Variants in SLC24A3 observed in about 807,000 individuals in gnomAD.
SLC24A3 encodes the protein sodium/potassium/calcium exchanger 3.
A neutral mutation model predicts 75.8 loss-of-function variants in SLC24A3; 28 were observed. The ratio of observed to expected loss-of-function variants is 0.37; its 90% confidence interval spans 0.27 to 0.51. The LOEUF (loss-of-function observed/expected upper bound fraction) is 0.51, where lower values mean the gene tolerates loss of function less well. SLC24A3 is among the 20% of genes least tolerant of loss of function. The probability of loss-of-function intolerance (pLI) is 0.94; values close to 1 mark genes in which losing one functional copy is unlikely to be tolerated. For missense variants in SLC24A3, 663 were observed against 847.8 expected (o/e 0.78, Z 2.71); for synonymous variants, 372 against 334.1 (o/e 1.11, Z -1.24).
chr20:19,398,277 A>G (rs1004710915), intron 2 of SLC24A3, among the ~76,000 whole-genome samples: 3 of 152,170 alleles, frequency 2.0e-5, no homozygotes, highest in African/African-American at 7.2e-5. Flanking sequence ...GAGAATTGAT[A>G]TCTTAGTAAT....
intron 2 of SLC24A3, among the ~76,000 whole-genome samples, chr20:19,465,381 AT>A (rs5840845): frequency 0.046 from 6,634 of 143,050 alleles, 461 homozygotes; most frequent in African/African-American, 0.15. Flanking sequence ...GGGCTGGAGA[AT>A]TTTTTTTTTT....
chr20:19,694,940 G>GA (rs1449816730), intron 13 of SLC24A3: 1 of 152,198 alleles, frequency 6.6e-6, no homozygotes, highest in Non-Finnish European at 1.5e-5. Context: ...GGTTAAAAAG[G>GA]AAAAACAAGG....
At chr20:19,398,389 C>T (rs892353365) in intron 2 of SLC24A3, among the ~76,000 whole-genome samples, 17 of 152,148 alleles carry the variant, frequency 1.1e-4, no homozygotes, top group African/African-American at 4.1e-4. Context: ...AGATCTGACA[C>T]ATCTTTTGTC....
chr20:19,266,096 A>C (rs926273906), intron 1 of SLC24A3: 4 of 152,332 alleles, frequency 2.6e-5, no homozygotes, highest in Admixed American at 6.5e-5. Context: ...TAACACTTTA[A>C]ATTTCCCAGT....
At chr20:19,373,692 G>A (rs1042802513) in intron 2 of SLC24A3, among the ~76,000 whole-genome samples, 2 of 152,138 alleles carry the variant, frequency 1.3e-5, no homozygotes, top group Non-Finnish European at 2.9e-5. Context: ...CCTAAGTTAC[G>A]GAGATTTTGT....
chr20:19,512,828 G>A (rs767658328), intron 2 of SLC24A3, among the ~76,000 whole-genome samples: 2 of 152,208 alleles, frequency 1.3e-5, no homozygotes, highest in Non-Finnish European at 2.9e-5. Context: ...GGAAAGTAAA[G>A]AGCTAACTGG....
intron 2 of SLC24A3, among the ~76,000 whole-genome samples, chr20:19,407,181 G>T (rs916316381): frequency 6.6e-6 from 1 of 152,170 alleles, no homozygotes; most frequent in African/African-American, 2.4e-5. Context: ...GGCATCCAAG[G>T]ACTGGAGCGC....
intron 6 of SLC24A3, among the ~76,000 whole-genome samples, chr20:19,595,177 C>T (rs2031435530): frequency 6.6e-6 from 1 of 152,140 alleles, no homozygotes; most frequent in Non-Finnish European, 1.5e-5. Flanking sequence ...ACCCTGGCAA[C>T]AGTGAAATGC....
At chr20:19,307,152 A>C (rs1007532788) in intron 2 of SLC24A3, among the ~76,000 whole-genome samples, 1 of 152,256 alleles carries the variant, frequency 6.6e-6, no homozygotes, top group Admixed American at 6.5e-5. Flanking sequence ...CAGTTGGATG[A>C]AAACATCCAT....
Position 19,655,224 on chromosome 20 carries a change from C to T in SLC24A3, c.687+1088C>T, listed in dbSNP as rs2032251857. 3.9e-5 allele frequency among the ~76,000 whole-genome samples: 6 copies of T among 152,298 alleles called. 1 individual carries two copies. In the South Asian group the frequency reaches 1.2e-3, roughly 32 times the overall value. On this transcript the variant is annotated intron_variant, in intron 7 of 16. Transcript: ENST00000328041. ...GTCAGTGTTTCCATGCAGTGCATCT[C>T]CACCACTTACTCCCCGCTTCTCTCC...
intron 2 of SLC24A3, among the ~76,000 whole-genome samples, chr20:19,386,392 C>T (rs181792248): frequency 6.6e-5 from 10 of 152,248 alleles, no homozygotes; most frequent in Admixed American, 5.2e-4. Flanking sequence ...TCTTCTTTTT[C>T]AATTTGTATG....
At chr20:19,616,590 A>C (rs759320330) in intron 6 of SLC24A3, among the ~76,000 whole-genome samples, 3 of 152,210 alleles carry the variant, frequency 2.0e-5, no homozygotes, top group Non-Finnish European at 4.4e-5. Flanking sequence ...GGGCCACCCA[A>C]ACAGTAGGCA....
chr20:19,718,632 G>A (rs2033066790), intron 16 of SLC24A3, among the ~76,000 whole-genome samples: 1 of 152,138 alleles, frequency 6.6e-6, no homozygotes, highest in South Asian at 2.1e-4. Context: ...CATCTTTTTA[G>A]GCTATGCTAT....
chr20:19,597,088 A>G (rs1170494553), intron 6 of SLC24A3, among the ~76,000 whole-genome samples: 1 of 152,218 alleles, frequency 6.6e-6, no homozygotes, highest in Non-Finnish European at 1.5e-5. Flanking sequence ...ATTTTTTAAT[A>G]AATACAATTT....
At chr20:19,552,652 C>G (rs1310222568) in intron 3 of SLC24A3, among the ~76,000 whole-genome samples, 2 of 152,270 alleles carry the variant, frequency 1.3e-5, no homozygotes, top group Admixed American at 6.5e-5. Flanking sequence ...TTCAGCTGAT[C>G]CCATTCACTT....
intron 2 of SLC24A3, among the ~76,000 whole-genome samples, chr20:19,358,782 G>T (rs1985735201): frequency 6.6e-6 from 1 of 152,178 alleles, no homozygotes. Context: ...CACTTCCCCA[G>T]TTCCCAGGCC....
At chr20:19,325,072 T>C (rs1984807352) in intron 2 of SLC24A3, among the ~76,000 whole-genome samples, 1 of 151,374 alleles carries the variant, frequency 6.6e-6, no homozygotes, top group South Asian at 2.1e-4. Flanking sequence ...TTTGTCATTC[T>C]CTTGCACTCC....
chr20:19,648,353 T>C (rs916124509), intron 6 of SLC24A3, among the ~76,000 whole-genome samples: 1 of 152,226 alleles, frequency 6.6e-6, no homozygotes, highest in African/African-American at 2.4e-5. Context: ...CAAATCCCTT[T>C]TCCATGAAAT....
At chr20:19,485,667 A>G (rs1374845011) in intron 2 of SLC24A3, among the ~76,000 whole-genome samples, 3 of 152,182 alleles carry the variant, frequency 2.0e-5, no homozygotes, top group Non-Finnish European at 4.4e-5. Flanking sequence ...GTTGGCCTTG[A>G]TGATGAAGGT....
Sources: gnomAD v4.1 joint callset for allele counts (sites outside exome capture counted in the v4.1 genomes callset) on GRCh38, gnomAD v4.1.1 for gene constraint, MANE v1.5 for transcripts, NCBI Gene and HGNC (gene_info 2026-07-23, HGNC 2026-07-21) for gene names.